Variants in DUSP16 observed in about 807,000 individuals in gnomAD.
DUSP16 encodes dual specificity protein phosphatase 16.
A neutral mutation model predicts 58.3 loss-of-function variants in DUSP16; 21 were observed. That is an observed-to-expected ratio of 0.36 (90% CI 0.26 to 0.52). DUSP16 has a LOEUF of 0.52. Among genes scored for constraint, DUSP16 ranks in the 20% least tolerant of loss-of-function variants. The pLI is 0.94. For missense variants in DUSP16, 726 were observed against 819.0 expected (o/e 0.89, Z 1.39); for synonymous variants, 320 against 323.8 (o/e 0.99, Z 0.12).
chr12:12,524,555 A>T (rs1944276332), intron 1 of DUSP16, among the ~76,000 whole-genome samples: 1 of 152,216 alleles, frequency 6.6e-6, no homozygotes, highest in Admixed American at 6.5e-5. Context: ...TTTTGTTTTC[A>T]AAATCCTTTG....
intron 1 of DUSP16, among the ~76,000 whole-genome samples, chr12:12,530,067 A>C (rs1402833728): frequency 6.6e-6 from 1 of 152,092 alleles, no homozygotes; most frequent in Non-Finnish European, 1.5e-5. Context: ...TTCTATTTTT[A>C]ATTTTTTTTG....
intron 1 of DUSP16, among the ~76,000 whole-genome samples, chr12:12,550,291 G>C (rs1371143846): frequency 1.4e-5 from 2 of 147,688 alleles, no homozygotes; most frequent in East Asian, 3.9e-4. Flanking sequence ...AAAAAAAAAT[G>C]TGTATCAGAC....
At chr12:12,548,514 C>A (rs1320447830) in intron 1 of DUSP16, among the ~76,000 whole-genome samples, 4 of 151,576 alleles carry the variant, frequency 2.6e-5, no homozygotes, top group African/African-American at 9.7e-5. Flanking sequence ...TGCCTGTAAT[C>A]CCAGCTACTC....
intron 1 of DUSP16, among the ~76,000 whole-genome samples, chr12:12,556,816 T>A (rs910841590): frequency 2.6e-5 from 4 of 152,228 alleles, no homozygotes; most frequent in Non-Finnish European, 5.9e-5. Context: ...GGTTTTTACT[T>A]TTTGTAGTAA....
At chr12:12,532,720 G>T (rs527891103) in intron 1 of DUSP16, among the ~76,000 whole-genome samples, 7 of 152,220 alleles carry the variant, frequency 4.6e-5, no homozygotes, top group African/African-American at 1.4e-4. Flanking sequence ...GGCCAAGGCG[G>T]GCAGATCACC....
chr12:12,473,855 A>G lies in DUSP16; in HGVS notation c.*2978T>C, dbSNP rs879336093. Among the ~76,000 whole-genome samples, 3 of 152,188 alleles carry G rather than the reference A, an allele frequency of 2.0e-5. No individual in the cohort carries two copies. Among genetic ancestry groups the G allele is most frequent in the Non-Finnish European group, 4.4e-5 (3 of 68,042 alleles). ...TTTTTCCTGTAGGAATCGTAACATC[A>G]TTTACATGTTATATCGAAATGGGCC... On this transcript the variant is annotated 3_prime_UTR_variant, in exon 7 of 7. Coordinates refer to ENST00000298573, the MANE Select transcript of DUSP16 (RefSeq NM_030640.3).
chr12:12,476,736 A>G lies in DUSP16; in HGVS notation c.*97T>C. On this transcript the variant is annotated 3_prime_UTR_variant, in exon 7 of 7. Transcript: ENST00000298573. ...CACCATAGCTCCATTTTCCAAAAAT[A>G]TATATGTATGTACATATATATATTT... 3 of 1,189,968 alleles carry G rather than the reference A, an allele frequency of 2.5e-6. No homozygotes were observed. The South Asian group carries it at 4.7e-5, about 19-fold the overall frequency. The allele number at this position is 1,189,968 out of a possible 1,614,324, so 73.7% of individuals were successfully genotyped here. A position where few individuals can be genotyped will look rare whatever the true frequency, so the allele number is the denominator to read the frequency against.
chr12:12,490,633 T>C (rs1943749151), intron 4 of DUSP16, among the ~76,000 whole-genome samples: 1 of 152,092 alleles, frequency 6.6e-6, no homozygotes, highest in Non-Finnish European at 1.5e-5. Flanking sequence ...TCTTGTTTTC[T>C]AGGTTAGCTG....
rs372302305 is a variant in DUSP16 at position 12,544,214 on chromosome 12, G to A, written c.-366+17903C>T. On this transcript the variant is annotated intron_variant, in intron 1 of 6. Coordinates refer to ENST00000298573, the MANE Select transcript of DUSP16 (RefSeq NM_030640.3). ...ACTTCTTATACCATGGCTGAGTTTT[G>A]CCTGTTTTTGAGCTCTTTTGTGTCT... is the stretch of plus-strand genomic sequence containing the variant. Among the ~76,000 whole-genome samples the A allele has an allele frequency of 4.6e-5, 7 of 152,112 alleles. No individual in the cohort carries two copies. The South Asian group carries it at 1.5e-3, about 32-fold the overall frequency.
chr12:12,504,188 G>C (rs977322952), intron 3 of DUSP16, among the ~76,000 whole-genome samples: 3 of 152,176 alleles, frequency 2.0e-5, no homozygotes, highest in African/African-American at 7.2e-5. Context: ...CCTAACAACT[G>C]TCAGGCACTA....
intron 1 of DUSP16, among the ~76,000 whole-genome samples, chr12:12,540,957 T>C (rs1012201594): frequency 2.2e-5 from 3 of 136,278 alleles, no homozygotes; most frequent in East Asian, 2.1e-4. Flanking sequence ...TTCTTTTTTT[T>C]TTTTTTTTTT....
chr12:12,532,942 C>CT (rs1417858904), intron 1 of DUSP16, among the ~76,000 whole-genome samples: 1 of 123,498 alleles, frequency 8.1e-6, no homozygotes, highest in Admixed American at 8.5e-5. Context: ...GAGCGAAACT[C>CT]TGTCTCAAAA....
At chr12:12,536,903 G>T (rs1944473440) in intron 1 of DUSP16, among the ~76,000 whole-genome samples, 1 of 152,158 alleles carries the variant, frequency 6.6e-6, no homozygotes, top group Non-Finnish European at 1.5e-5. Flanking sequence ...GCCAGGCATG[G>T]TGGCGCATTC....
At chr12:12,547,257 C>T (rs1169394104) in intron 1 of DUSP16, among the ~76,000 whole-genome samples, 2 of 151,738 alleles carry the variant, frequency 1.3e-5, no homozygotes, top group Non-Finnish European at 2.9e-5. Flanking sequence ...GGCAAAACCC[C>T]GTCTCTACCA....
chr12:12,492,854 C>T (rs900806403), intron 4 of DUSP16, among the ~76,000 whole-genome samples: 3 of 152,150 alleles, frequency 2.0e-5, no homozygotes, highest in Non-Finnish European at 4.4e-5. Context: ...GCACACTCGA[C>T]TGCTCCTTCC....
intron 4 of DUSP16, among the ~76,000 whole-genome samples, chr12:12,489,855 T>C (rs1159109613): frequency 3.9e-5 from 6 of 152,256 alleles, no homozygotes; most frequent in Non-Finnish European, 2.9e-5. Flanking sequence ...ACCTTTTAAT[T>C]AGACAATGAC....
rs188944966 is a variant in DUSP16, at chr12:12,494,644, G to A, written c.531+5875C>T. On this transcript the variant is annotated intron_variant, in intron 4 of 6. Coordinates refer to ENST00000298573, the MANE Select transcript of DUSP16 (RefSeq NM_030640.3). ...GTAGAGGCATTCCAGATGGAGTATA[G>A]AAAATGAATGAAGACCAAGGACAGG... 2.4e-3 allele frequency among the ~76,000 whole-genome samples: 368 copies of A among 152,310 alleles called. 1 individual carries two copies. Among genetic ancestry groups the A allele is most frequent in the Non-Finnish European group, 4.4e-3 (298 of 68,020 alleles).
intron 1 of DUSP16, among the ~76,000 whole-genome samples, chr12:12,539,662 T>C (rs1225066337): frequency 6.6e-6 from 1 of 151,010 alleles, no homozygotes; most frequent in Non-Finnish European, 1.5e-5. Flanking sequence ...AGGATGATGA[T>C]GGAAACCAAG....
chr12:12,485,582 G>A (rs889967078), intron 5 of DUSP16, among the ~76,000 whole-genome samples: 6 of 152,094 alleles, frequency 3.9e-5, no homozygotes, highest in African/African-American at 1.4e-4. Context: ...CACAATCTCA[G>A]CTCACTGCAA....
Sources: allele counts gnomAD v4.1 joint callset (sites outside exome capture counted in the v4.1 genomes callset), GRCh38; gene constraint gnomAD v4.1.1; transcripts MANE v1.5; gene names NCBI Gene and HGNC (gene_info 2026-07-23, HGNC 2026-07-21).